SPEF2: variants seen among roughly 807,000 people sequenced by gnomAD.
SPEF2 encodes the protein sperm flagella and cilia-associated protein 2.
SPEF2 carries 187 observed loss-of-function variants against 224.6 expected under a neutral mutation model. The observed-to-expected ratio is 0.83, with a 90% CI of 0.74 to 0.94. The LOEUF is 0.94. SPEF2 is among the 40% of genes least tolerant of loss of function. The probability of loss-of-function intolerance (pLI) is 0.00; values close to 1 mark genes in which losing one functional copy is unlikely to be tolerated. For missense variants in SPEF2, 2,170 were observed against 2,135.6 expected, an observed-to-expected ratio of 1.02 and a Z score of -0.32; for synonymous variants, 715 against 707.3, an observed-to-expected ratio of 1.01 and a Z score of -0.17.
rs1456605625 is a variant in SPEF2, at chr5:35,803,082, G to A, written c.5010+2935G>A. 2.0e-5 allele frequency among the ~76,000 whole-genome samples: 3 copies of A among 152,204 alleles called. No individual in the cohort carries two copies. In the East Asian group the frequency reaches 5.8e-4, roughly 29 times the overall value. On this transcript the variant is annotated intron_variant, in intron 34 of 36. Coordinates refer to ENST00000356031, the MANE Select transcript of SPEF2 (RefSeq NM_024867.4). The stretch of plus-strand genomic sequence containing the variant: ...AGTAGCTGCCACATAGCCAGTGCTT[G>A]ATTAGTATTTGTGAACATGGCCAGG...
intron 23 of SPEF2, among the ~76,000 whole-genome samples, chr5:35,751,766 T>C (rs185841202): frequency 6.6e-6 from 1 of 152,190 alleles, no homozygotes; most frequent in Non-Finnish European, 1.5e-5. Context: ...GGCATTAAAC[T>C]GCTTGGGTTC....
At chr5:35,789,276 G>A in intron 30 of SPEF2, 1 of 703,256 alleles carries the variant, frequency 1.4e-6, no homozygotes, top group South Asian at 1.5e-5. Flanking sequence ...AATGTCCTTA[G>A]CATTCTGTCC....
intron 29 of SPEF2, among the ~76,000 whole-genome samples, chr5:35,778,487 G>T (rs1490688952): frequency 3.9e-5 from 6 of 152,106 alleles, no homozygotes; most frequent in African/African-American, 1.4e-4. Context: ...GCATCATAGT[G>T]GTTCCCAGCT....
At chr5:35,716,111 A>G (rs1047483979) in intron 20 of SPEF2, among the ~76,000 whole-genome samples, 4 of 151,840 alleles carry the variant, frequency 2.6e-5, no homozygotes, top group African/African-American at 9.7e-5. Flanking sequence ...TCAAAACATA[A>G]CATGCTAAAA....
rs571068659 is a variant in SPEF2 at position 35,769,699 on chromosome 5, CTT to C, written c.3802-1909_3802-1908del. Among the ~76,000 whole-genome samples the C allele has an allele frequency of 1.5e-4, 23 of 152,236 alleles. 1 individual carries two copies. The East Asian group carries it at 4.4e-3, about 29-fold the overall frequency. ...GGCAAGATTTATCACTCATAGAACA[CTT>C]GGGAAGAGTTACATGCTGCCATGGG... On this transcript the variant is annotated intron_variant, in intron 26 of 36. Coordinates refer to ENST00000356031, the MANE Select transcript of SPEF2 (RefSeq NM_024867.4).
At chr5:35,777,664 CAAATAAATAAATAAAT>C (rs35899152) in intron 29 of SPEF2, among the ~76,000 whole-genome samples, 2,544 of 144,052 alleles carry the variant, frequency 0.018, 67 homozygotes, top group African/African-American at 0.058. Context: ...AAATGTGATA[CAAATAAATAAATAAAT>C]AAATAAATAA....
intron 31 of SPEF2, 100 bp from the exon 32 acceptor site, chr5:35,793,059 A>T: frequency 9.0e-7 from 1 of 1,111,048 alleles, no homozygotes; most frequent in Non-Finnish European, 1.3e-6. Context: ...GAAAAGTCCT[A>T]CTTCTTTCAT....
intron 10 of SPEF2, among the ~76,000 whole-genome samples, chr5:35,672,360 A>T (rs1751317243): frequency 7.1e-6 from 1 of 141,316 alleles, no homozygotes. Flanking sequence ...AATGAACATT[A>T]TTATGTTCAA....
intron 14 of SPEF2, among the ~76,000 whole-genome samples, chr5:35,696,377 A>T (rs1258088961): frequency 6.6e-6 from 1 of 152,218 alleles, no homozygotes; most frequent in Non-Finnish European, 1.5e-5. Context: ...AAAGATAGAA[A>T]AAGTTTTGGA....
chr5:35,717,526 G>C lies in SPEF2; in HGVS notation c.2914+4640G>C, dbSNP rs190035533. 1.4e-3 allele frequency among the ~76,000 whole-genome samples: 208 copies of C among 152,254 alleles called. 7 individuals carry two copies. Among genetic ancestry groups the C allele is most frequent in the Admixed American group, 0.012 (185 of 15,284 alleles). On this transcript the variant is annotated intron_variant, in intron 20 of 36. Transcript: ENST00000356031. ...TTTCCTTAGTTCAGCTAAAGACGGG[G>C]TTCTTGTCCATCCCATGGCCATGAA...
intron 5 of SPEF2, among the ~76,000 whole-genome samples, chr5:35,647,196 T>C (rs1747500133): frequency 6.6e-6 from 1 of 152,158 alleles, no homozygotes; most frequent in East Asian, 1.9e-4. Flanking sequence ...GAGGTTTATG[T>C]CACTTATGTT....
At chr5:35,657,474 G>T (rs756557211) in intron 7 of SPEF2, among the ~76,000 whole-genome samples, 2 of 151,968 alleles carry the variant, frequency 1.3e-5, no homozygotes, top group Non-Finnish European at 2.9e-5. Flanking sequence ...GGTGTCACTG[G>T]GTATGGAATG....
intron 26 of SPEF2, among the ~76,000 whole-genome samples, chr5:35,766,197 G>T (rs1752065250): frequency 6.6e-6 from 1 of 151,990 alleles, no homozygotes; most frequent in African/African-American, 2.4e-5. Flanking sequence ...AAATTTTGTG[G>T]AAGTTGGGAT....
intron 6 of SPEF2, among the ~76,000 whole-genome samples, chr5:35,653,958 A>C (rs1168580926): frequency 6.6e-6 from 1 of 150,570 alleles, no homozygotes; most frequent in Non-Finnish European, 1.5e-5. Flanking sequence ...AAAAAAAAAA[A>C]AAAAAAAAGT....
At chr5:35,630,612 C>T (rs1744949776) in intron 2 of SPEF2, among the ~76,000 whole-genome samples, 1 of 152,124 alleles carries the variant, frequency 6.6e-6, no homozygotes, top group East Asian at 1.9e-4. Context: ...AGGAGAATGG[C>T]ATGAACCCGG....
chr5:35,793,862 G>T (rs1441572119), intron 32 of SPEF2, among the ~76,000 whole-genome samples: 1 of 152,120 alleles, frequency 6.6e-6, no homozygotes, highest in Non-Finnish European at 1.5e-5. Flanking sequence ...TGTGGGAAAT[G>T]AAGAGAGAAA....
At chr5:35,788,707 C>T (rs1456024869) in intron 30 of SPEF2, 5 of 702,874 alleles carry the variant, frequency 7.1e-6, no homozygotes, top group Non-Finnish European at 1.3e-5. Context: ...AGGGAGAGAA[C>T]AACGAGGTGG....
At chr5:35,648,354 G>T in intron 5 of SPEF2, among the ~76,000 whole-genome samples, 1 of 150,500 alleles carries the variant, frequency 6.6e-6, no homozygotes. Flanking sequence ...ATGTCCCTGA[G>T]TTGATTAAAG....
At chr5:35,622,403 C>G (rs1743657809) in intron 1 of SPEF2, among the ~76,000 whole-genome samples, 1 of 152,084 alleles carries the variant, frequency 6.6e-6, no homozygotes. Context: ...TGCAATAGTT[C>G]ATAACGTATT....
Sources: gnomAD v4.1 joint callset for allele counts (sites outside exome capture counted in the v4.1 genomes callset) on GRCh38, gnomAD v4.1.1 for gene constraint, MANE v1.5 for transcripts, NCBI Gene and HGNC (gene_info 2026-07-23, HGNC 2026-07-21) for gene names.